The following SEMA4B variants were observed in gnomAD, a reference collection of about 807,000 sequenced individuals.
The protein encoded by SEMA4B is semaphorin-4B.
Under a neutral mutation model 88.1 loss-of-function variants are expected in SEMA4B, and 55 were observed. The ratio of observed to expected loss-of-function variants is 0.62; its 90% CI spans 0.50 to 0.78. SEMA4B has a LOEUF of 0.78. Among genes scored for constraint, SEMA4B ranks in the 30% least tolerant of loss-of-function variants. The pLI is 0.00. For missense variants in SEMA4B, 1,062 were observed against 1,111.9 expected (o/e 0.96, Z 0.64); for synonymous variants, 525 against 473.6 (o/e 1.11, Z -1.41).
chr15:90,227,327 G>A (rs1175166534), intron 12 of SEMA4B: 7 of 520,446 alleles, frequency 1.3e-5, no homozygotes, highest in South Asian at 2.5e-5. Flanking sequence ...GATTACAGGC[G>A]TGGGCCACCA....
intron 13 of SEMA4B, 74 bp downstream of exon 13, chr15:90,227,716 T>C (rs1372786184): frequency 1.4e-5 from 21 of 1,524,968 alleles, no homozygotes; most frequent in Non-Finnish European, 1.7e-5. Flanking sequence ...CAGGCACAGA[T>C]GTTGTAAATG....
chr15:90,212,520 T>A lies in SEMA4B; in HGVS notation c.158-4919T>A, dbSNP rs567791620. On this transcript the variant is annotated intron_variant, in intron 1 of 13. Transcript: ENST00000411539. The surrounding 1 kb of genome is among the most constrained non-coding windows in gnomAD (Gnocchi z 4.0). ...TTGACACAAGGGAGAGCATAAAAGC[T>A]TAAGACTGACCCCAAGGTGCGCCAG... 0.025 allele frequency among the ~76,000 whole-genome samples: 3,749 copies of A among 152,164 alleles called. 67 individuals carry two copies. Among genetic ancestry groups the A allele is most frequent in the Non-Finnish European group, 0.038 (2,590 of 67,994 alleles).
At chr15:90,205,302 G>C (rs1960936756) in intron 1 of SEMA4B, among the ~76,000 whole-genome samples, 1 of 152,222 alleles carries the variant, frequency 6.6e-6, no homozygotes, top group East Asian at 1.9e-4. Context: ...CCTGATGCTG[G>C]TCGCTTGTTG....
chr15:90,223,835 C>T lies in SEMA4B; in HGVS notation c.1044-3C>T, dbSNP rs1414008224. On this transcript the variant is annotated splice_region_variant and splice_polypyrimidine_tract_variant and intron_variant, in intron 8 of 13. Transcript: ENST00000411539. ...TGGGTTAATCTGGTTATTTCCTCTG[C>T]AGGCACAGGGGAACTACAGAAGGCT... 1.2e-6 allele frequency: 2 copies of T among 1,613,606 alleles called. No homozygotes were observed. The highest frequency in any genetic ancestry group is 2.2e-5 in the East Asian group (1 of 44,882).
intron 3 of SEMA4B, 143 bp downstream of exon 3, chr15:90,217,972 G>T: frequency 1.5e-6 from 1 of 675,648 alleles, no homozygotes. Context: ...CCCGGCCTGG[G>T]TTTGAATCCC....
At chr15:90,215,194 A>AGGGT (rs781017137) in intron 1 of SEMA4B, among the ~76,000 whole-genome samples, 1 of 148,632 alleles carries the variant, frequency 6.7e-6, no homozygotes, top group East Asian at 2.0e-4. Flanking sequence ...CATAAACAGT[A>AGGGT]CCCTGGTGGG....
intron 1 of SEMA4B, among the ~76,000 whole-genome samples, chr15:90,205,032 C>A (rs1960924794): frequency 6.6e-6 from 1 of 152,200 alleles, no homozygotes; most frequent in African/African-American, 2.4e-5. Flanking sequence ...ATCTTGGCCT[C>A]CCAAAGTGCT....
chr15:90,219,982 G>A lies in SEMA4B; in HGVS notation c.483+91G>A. 4 of 965,122 alleles carry A rather than the reference G, an allele frequency of 4.1e-6. No homozygotes were observed. The South Asian group carries it at 6.4e-5, about 15-fold the overall frequency. 59.8% of individuals were successfully genotyped at this position (965,122 alleles called of 1,614,324 possible). ...CTGTTCTGTAGCATAGACCCCTGAG[G>A]AAAGGCAGGGCCCAGAGGGAGGTTT... On this transcript the variant is annotated intron_variant, in intron 4 of 13. Coordinates refer to ENST00000411539, the MANE Select transcript of SEMA4B (RefSeq NM_198925.4).
chr15:90,213,100 A>T (rs1961354041), intron 1 of SEMA4B, among the ~76,000 whole-genome samples: 1 of 152,278 alleles, frequency 6.6e-6, no homozygotes, highest in Non-Finnish European at 1.5e-5. Context: ...GTCTCAGTAA[A>T]TGTGGGTTAT....
intron 1 of SEMA4B, among the ~76,000 whole-genome samples, chr15:90,202,933 C>G (rs1960814771): frequency 6.6e-6 from 1 of 152,232 alleles, no homozygotes; most frequent in Non-Finnish European, 1.5e-5. Flanking sequence ...ACCTGAACCC[C>G]TGTCTGAAAT....
At chr15:90,227,288 C>A in intron 12 of SEMA4B, 1 of 420,134 alleles carries the variant, frequency 2.4e-6, no homozygotes, top group Non-Finnish European at 4.3e-6. Flanking sequence ...CTCAAGCGAT[C>A]TACCGGCCTT....
At chr15:90,214,394 T>C (rs1961428348) in intron 1 of SEMA4B, among the ~76,000 whole-genome samples, 1 of 150,408 alleles carries the variant, frequency 6.6e-6, no homozygotes, top group Non-Finnish European at 1.5e-5. Flanking sequence ...TCCCAGCACT[T>C]TGGGAGGCCG....
chr15:90,223,178 C>G (rs992573730), intron 7 of SEMA4B, among the ~76,000 whole-genome samples: 17 of 151,844 alleles, frequency 1.1e-4, no homozygotes, highest in African/African-American at 3.9e-4. Context: ...CTCCTGAGCT[C>G]AAGTGATCCA....
chr15:90,201,253 C>A, upstream of SEMA4B: 1 of 1,013,924 alleles, frequency 9.9e-7, no homozygotes, highest in Non-Finnish European at 1.2e-6. Context: ...CTGCCAGCGC[C>A]CGGGAAGGAG....
upstream of SEMA4B, among the ~76,000 whole-genome samples, chr15:90,198,675 C>A (rs971880640): frequency 6.6e-6 from 1 of 151,642 alleles, no homozygotes; most frequent in Non-Finnish European, 1.5e-5. Context: ...AGGTCAAAGG[C>A]CCTGCTGGTT....
intron 1 of SEMA4B, among the ~76,000 whole-genome samples, chr15:90,206,308 C>T (rs1218697329): frequency 6.6e-6 from 1 of 152,276 alleles, no homozygotes; most frequent in South Asian, 2.1e-4. Context: ...CTCCTGTGGT[C>T]GAGGCCTGCC....
intron 1 of SEMA4B, among the ~76,000 whole-genome samples, chr15:90,205,304 C>T (rs1960937034): frequency 6.6e-6 from 1 of 152,220 alleles, no homozygotes; most frequent in African/African-American, 2.4e-5. Context: ...TGATGCTGGT[C>T]GCTTGTTGAG....
At position 90,225,756 on chromosome 15, in the gene SEMA4B, G is replaced by C. The variant is rs181362871; in HGVS notation, c.1617G>C (p.Arg539=). 3 of 1,578,442 alleles carry C rather than the reference G, an allele frequency of 1.9e-6. No individual in the cohort carries two copies. In the Admixed American group the frequency reaches 5.3e-5, roughly 28 times the overall value. The change falls in exon 12 of 14, where the codon CGG becomes CGC. Residue 539 remains arginine (R), a synonymous_variant. Transcript: ENST00000411539. ...GCTGTGGGGACTGCCTCCTCGCCCG[G>C]GACCCCTACTGTGCTTGGAGCGGCT... The part of the protein sequence containing the change: ...YRSCGDCLLA[R]DPYCAWSGSS...
At chr15:90,199,511 G>C (rs2352216), upstream of SEMA4B, among the ~76,000 whole-genome samples, 67,276 of 151,822 alleles carry the variant, frequency 0.44, 17,108 homozygotes, top group East Asian at 0.71. Flanking sequence ...GCTCGAGATG[G>C]TTTTCAGACA....
Sources: gnomAD v4.1 joint callset for allele counts (sites outside exome capture counted in the v4.1 genomes callset) on GRCh38, gnomAD v4.1.1 for gene constraint, Gnocchi (gnomAD v3.1) non-coding constraint, MANE v1.5 for transcripts, NCBI Gene and HGNC (gene_info 2026-07-23, HGNC 2026-07-21) for gene names.